Variants in SLC2A5 observed in about 807,000 individuals in gnomAD.
SLC2A5 encodes the protein solute carrier family 2, facilitated glucose transporter member 5.
A neutral mutation model predicts 50.3 loss-of-function variants in SLC2A5; 56 were observed. The ratio of observed to expected loss-of-function variants is 1.11; its 90% CI spans 0.90 to 1.39. SLC2A5 has a LOEUF of 1.39. Among genes scored for constraint, SLC2A5 ranks in the 40% most tolerant of loss-of-function variants. The probability of loss-of-function intolerance (pLI) is 0.00; values close to 1 mark genes in which losing one functional copy is unlikely to be tolerated. For synonymous variants in SLC2A5, 269 were observed against 281.9 expected (o/e 0.95, Z 0.46); for missense variants, 566 against 650.1 (o/e 0.87, Z 1.41).
upstream of SLC2A5, chr1:9,073,163 G>C (rs1642242846): frequency 6.6e-6 from 1 of 152,174 alleles, no homozygotes. Context: ...ACCTCTGCTA[G>C]GAATGTTCTA....
At position 9,039,551 on chromosome 1, in the gene SLC2A5, C is replaced by T. The variant is rs750825939; in HGVS notation, c.996+1G>A. ...CTGTGGGCAGCTCCCAGGACACTCA[C>T]GGCGCAGAAGGTCATGACCACGTTC... On this transcript the variant is annotated splice_donor_variant, in intron 8 of 11. Transcript: ENST00000377424. LOFTEE classifies it high-confidence loss of function. The T allele has an allele frequency of 4.5e-6, 7 of 1,561,894 alleles. No individual in the cohort carries two copies. Among genetic ancestry groups the T allele is most frequent in the Admixed American group, 1.9e-5 (1 of 53,706 alleles).
At position 9,037,626 on chromosome 1, in the gene SLC2A5, T is replaced by C. The variant is rs761999982; in HGVS notation, c.1466A>G (p.Glu489Gly). Residue 489 changes from glutamate to glycine, a missense_variant, in exon 12 of 12, where the codon GAG (glutamate) becomes GGG (glycine). Physicochemically the swap from Glu to Gly is moderately conservative, Grantham distance 98. Transcript: ENST00000377424. ...NKVSEVYPEKEELKELPPVTS... is the reference protein window; with the variant it reads ...NKVSEVYPEKGELKELPPVTS... ...GACAGGTGGAAGCTCTTTCAGTTCC[T>C]CCTTTTCCGGGTACACTTCAGACAC... The C allele has an allele frequency of 6.2e-7, 1 of 1,614,150 alleles. No homozygotes were observed. Among genetic ancestry groups the C allele is most frequent in the South Asian group, 1.1e-5 (1 of 91,088 alleles).
intron 3 of SLC2A5, among the ~76,000 whole-genome samples, chr1:9,051,174 T>C (rs1456772951): frequency 7.1e-6 from 1 of 140,248 alleles, no homozygotes; most frequent in Non-Finnish European, 1.5e-5. Context: ...TAAAGCTTTA[T>C]TGCAAAAAGA....
chr1:9,040,214 A>G lies in SLC2A5; in HGVS notation c.572-25T>C. 1.9e-6 allele frequency: 3 copies of G among 1,542,074 alleles called. No individual in the cohort carries two copies. The highest frequency in any genetic ancestry group is 1.7e-6 in the Non-Finnish European group (2 of 1,145,858). On this transcript the variant is annotated intron_variant, in intron 5 of 11. Coordinates refer to ENST00000377424, the MANE Select transcript of SLC2A5 (RefSeq NM_003039.3). This position sits in a 1 kb window ranked among gnomAD's most constrained non-coding sequence, Gnocchi z 4.3. Reference sequence around the variant, plus strand: ...CCTGGGAGGAAGGCAGCGAGCTGGCACCAGCGGCCTCCCCACCACCCCGAA... The same window carrying G: ...CCTGGGAGGAAGGCAGCGAGCTGGCGCCAGCGGCCTCCCCACCACCCCGAA...
intron 4 of SLC2A5, among the ~76,000 whole-genome samples, chr1:9,047,187 G>C (rs750761260): frequency 2.6e-5 from 4 of 152,142 alleles, no homozygotes; most frequent in Non-Finnish European, 4.4e-5. Flanking sequence ...TGTTGCCCAG[G>C]CTGGTTTCAA....
chr1:9,039,883 G>C lies in SLC2A5; in HGVS notation c.802C>G (p.Leu268Val). 1 of 1,612,704 alleles carries C rather than the reference G, an allele frequency of 6.2e-7. No homozygotes were observed. Among genetic ancestry groups the C allele is most frequent in the Non-Finnish European group, 8.5e-7 (1 of 1,179,832 alleles). ...KAAGFISVLK[L>V]FRMRSLRWQL... Reference sequence around the variant, plus strand: ...CAGCGCAGCGAGCGCATCCGGAACAGCTTCAGCACGGAGATGAAGCCCGCG... The same window carrying C: ...CAGCGCAGCGAGCGCATCCGGAACACCTTCAGCACGGAGATGAAGCCCGCG... Residue 268 changes from leucine to valine, a missense_variant, in exon 7 of 12, where the codon CTG (leucine) becomes GTG (valine). Leu to Val is a conservative substitution (Grantham distance 32). Coordinates refer to ENST00000377424, the MANE Select transcript of SLC2A5 (RefSeq NM_003039.3).
chr1:9,038,372 C>T (rs894412736), intron 10 of SLC2A5, 59 bp downstream of exon 10: 2 of 1,282,958 alleles, frequency 1.6e-6, no homozygotes, highest in African/African-American at 2.9e-5. Context: ...GAGCTCCAGC[C>T]CGGAGCTTCT....
At chr1:9,057,836 G>A (rs1453452093) in intron 2 of SLC2A5, among the ~76,000 whole-genome samples, 1 of 152,088 alleles carries the variant, frequency 6.6e-6, no homozygotes, top group Non-Finnish European at 1.5e-5. Flanking sequence ...GTGTTTCTCA[G>A]CCAGAAAGGG....
At chr1:9,060,050 C>T (rs1465793317) in intron 1 of SLC2A5, among the ~76,000 whole-genome samples, 1 of 143,048 alleles carries the variant, frequency 7.0e-6, no homozygotes, top group Non-Finnish European at 1.5e-5. Flanking sequence ...TACACACACA[C>T]CACACACACA....
At chr1:9,085,750 G>T (rs1642395324) in intron 1 of SLC2A5, among the ~76,000 whole-genome samples, 1 of 152,192 alleles carries the variant, frequency 6.6e-6, no homozygotes, top group Non-Finnish European at 1.5e-5. Flanking sequence ...CACTGGGGTG[G>T]CAGTGGTGCA....
In SLC2A5 at chr1:9,042,427, G is replaced by A. The variant is rs140656202; in HGVS notation, c.419-490C>T. 9.4e-3 allele frequency among the ~76,000 whole-genome samples: 1,426 copies of A among 151,356 alleles called. 26 individuals are homozygous for A. Among genetic ancestry groups the A allele is most frequent in the African/African-American group, 0.032 (1,310 of 41,230 alleles). On this transcript the variant is annotated intron_variant, in intron 4 of 11. Transcript: ENST00000377424. ...TATGTATATGTGTGTGTGTGTGTGC[G>A]CGCGCATGATATATATGGCCTGTGT... is the stretch of plus-strand genomic sequence containing the variant.
intron 2 of SLC2A5, among the ~76,000 whole-genome samples, chr1:9,078,411 C>T (rs1642316676): frequency 6.6e-6 from 1 of 152,136 alleles, no homozygotes; most frequent in Non-Finnish European, 1.5e-5. Flanking sequence ...TTTACTCGGT[C>T]CCTATTCAAG....
chr1:9,069,884 G>A (rs951398134), upstream of SLC2A5: 85 of 222,418 alleles, frequency 3.8e-4, no homozygotes, highest in African/African-American at 1.7e-3. Context: ...TGTCAGGAAC[G>A]CATGGCAAAC....
At position 9,041,767 on chromosome 1, in the gene SLC2A5, G is replaced by C; in HGVS notation, c.571+18C>G. On this transcript the variant is annotated intron_variant, in intron 5 of 11. Coordinates refer to ENST00000377424, the MANE Select transcript of SLC2A5 (RefSeq NM_003039.3). Reference sequence around the variant, plus strand: ...GTGGTGAAGGGGTGGGGGTGCTCCCGAGATGTCCTGAACTCACCATCTACG... The same window carrying C: ...GTGGTGAAGGGGTGGGGGTGCTCCCCAGATGTCCTGAACTCACCATCTACG... 6.2e-7 allele frequency: 1 copy of C among 1,614,038 alleles called. No homozygotes were observed. The highest frequency in any genetic ancestry group is 1.6e-4 in the Middle Eastern group (1 of 6,062).
chr1:9,070,872 C>A (rs1010780683), upstream of SLC2A5, among the ~76,000 whole-genome samples: 1 of 151,860 alleles, frequency 6.6e-6, no homozygotes, highest in African/African-American at 2.4e-5. Flanking sequence ...CGGGGGGGTC[C>A]CTATTCACAA....
In SLC2A5 at chr1:9,039,865, G is replaced by C; in HGVS notation, c.820C>G (p.Leu274Val). 1 of 1,612,098 alleles carries C rather than the reference G, an allele frequency of 6.2e-7. No homozygotes were observed. The highest frequency in any genetic ancestry group is 8.5e-7 in the Non-Finnish European group (1 of 1,179,580). The change falls in exon 7 of 12, where the codon CTG becomes GTG. Residue 274 changes from leucine (L) to valine (V), a missense_variant. Transcript: ENST00000377424. Reference sequence around the variant, plus strand: ...ATGATGGACAGCAGCTGCCAGCGCAGCGAGCGCATCCGGAACAGCTTCAGC... The same window carrying C: ...ATGATGGACAGCAGCTGCCAGCGCACCGAGCGCATCCGGAACAGCTTCAGC... ...SVLKLFRMRS[L>V]RWQLLSIIVL...
intron 1 of SLC2A5, among the ~76,000 whole-genome samples, chr1:9,068,962 G>A (rs962757537): frequency 3.3e-5 from 5 of 152,098 alleles, no homozygotes; most frequent in African/African-American, 9.7e-5. Flanking sequence ...CTGCAATTAC[G>A]TTGCAGGAGT....
intron 2 of SLC2A5, among the ~76,000 whole-genome samples, chr1:9,083,935 G>A (rs969554163): frequency 1.3e-5 from 2 of 152,088 alleles, no homozygotes; most frequent in African/African-American, 4.8e-5. Context: ...ACGAGGTCAG[G>A]AGATCGAGAC....
chr1:9,037,685 T>C lies in SLC2A5; in HGVS notation c.1407A>G (p.Ile469Met). Residue 469 changes from isoleucine to methionine, a missense_variant, in exon 12 of 12, where the codon ATA becomes ATG. Coordinates refer to ENST00000377424, the MANE Select transcript of SLC2A5 (RefSeq NM_003039.3). ...IVPETKAKTF[I>M]EINQIFTKMN... ...TCTTGGTGAAAATCTGGTTGATCTC[T>C]ATGAACGTCTTGGCCTTGGTCTCCG... The C allele has an allele frequency of 6.2e-7, 1 of 1,614,002 alleles. No homozygotes were observed.
Sources: allele counts gnomAD v4.1 joint callset (sites outside exome capture counted in the v4.1 genomes callset), GRCh38; gene constraint gnomAD v4.1.1; non-coding constraint Gnocchi (gnomAD v3.1); transcripts MANE v1.5; gene names NCBI Gene and HGNC (gene_info 2026-07-23, HGNC 2026-07-21).